Variants in ZNF230 observed in about 807,000 individuals in gnomAD.
ZNF230 encodes zinc finger protein 230.
In ZNF230, 12 loss-of-function variants were observed where a neutral mutation model predicts 10.0. That is an observed-to-expected ratio of 1.20 (90% confidence interval 0.77 to 1.95). The LOEUF is 1.95. Ranked by LOEUF, ZNF230 falls within the 30% of genes most tolerant of loss-of-function variation. The pLI is 0.00. For missense variants in ZNF230, 532 were observed against 565.8 expected, an observed-to-expected ratio of 0.94 and a Z score of 0.61; for synonymous variants, 174 against 193.6, an observed-to-expected ratio of 0.90 and a Z score of 0.84.
Position 44,007,055 on chromosome 19 carries a change from A to T in ZNF230, c.-24A>T. 3.8e-6 allele frequency: 6 copies of T among 1,599,208 alleles called. No individual in the cohort carries two copies. The highest frequency in any genetic ancestry group is 5.1e-6 in the Non-Finnish European group (6 of 1,167,134). On this transcript the variant is annotated 5_prime_UTR_variant, in exon 2 of 5. In the 5' UTR this introduces an upstream ATG that the reference lacks. Transcript: ENST00000429154. Reference sequence around the variant, plus strand: ...TGTGCTCCATTACTCAAGACACTGAAGACTCCAAAAAGTAGTAGGAAAAAT... The same window carrying T: ...TGTGCTCCATTACTCAAGACACTGATGACTCCAAAAAGTAGTAGGAAAAAT...
intron 4 of ZNF230, chr19:44,009,401 G>A (rs770165421): frequency 1.7e-6 from 1 of 577,988 alleles, no homozygotes; most frequent in Non-Finnish European, 3.1e-6. Context: ...TCCACTCCTT[G>A]GTCCAAAAGC....
At chr19:44,007,437 A>G (rs454904) in intron 2 of ZNF230, among the ~76,000 whole-genome samples, 19,992 of 152,086 alleles carry the variant, frequency 0.13, 1,940 homozygotes, top group East Asian at 0.46. Flanking sequence ...TCCTTATGTC[A>G]AGAGTGCTCT....
chr19:44,009,045 A>G, intron 3 of ZNF230, 39 bp from the exon 4 acceptor site: 1 of 1,610,526 alleles, frequency 6.2e-7, no homozygotes, highest in Non-Finnish European at 8.5e-7. Context: ...ATTACCTAGA[A>G]TGAATTGGTA....
intron 1 of ZNF230, among the ~76,000 whole-genome samples, chr19:44,005,830 A>G (rs990413190): frequency 6.6e-5 from 10 of 152,322 alleles, no homozygotes; most frequent in Admixed American, 6.5e-4. Flanking sequence ...CGGAGGTTGC[A>G]GTGAGCTGAG....
chr19:44,011,268 A>G lies in ZNF230; in HGVS notation c.1229A>G (p.His410Arg), dbSNP rs375702902. 1.2e-5 allele frequency: 20 copies of G among 1,614,068 alleles called. No homozygotes were observed. The highest frequency in any genetic ancestry group is 1.7e-5 in the Non-Finnish European group (20 of 1,180,038). ...AGCCGGGCTTCAAGTATTTTGAATC[A>G]TAAGAAACTCCACTGCCGGAAAAAA... Reference protein sequence around the residue: ...SFSRASSILNHKKLHCRKKPF... With the variant: ...SFSRASSILNRKKLHCRKKPF... Residue 410 changes from histidine (H) to arginine (R), a missense_variant, in exon 5 of 5, where the codon CAT becomes CGT. By Grantham distance (29) the His-to-Arg change is conservative. Coordinates refer to ENST00000429154, the MANE Select transcript of ZNF230 (RefSeq NM_006300.4).
In ZNF230 at chr19:44,010,926, A is replaced by C; in HGVS notation, c.887A>C (p.Asn296Thr). 6.2e-7 allele frequency: 1 copy of C among 1,614,236 alleles called. No homozygotes were observed. Among genetic ancestry groups the C allele is most frequent in the South Asian group, 1.1e-5 (1 of 91,088 alleles). Residue 296 changes from asparagine (N) to threonine (T), a missense_variant, in exon 5 of 5, where the codon AAT becomes ACT. Physicochemically the swap from Asn to Thr is moderately conservative, Grantham distance 65. Coordinates refer to ENST00000429154, the MANE Select transcript of ZNF230 (RefSeq NM_006300.4). ...GKSFCLRSSL[N>T]RHCMVHTAEK... ...AGCTTCTGCCTTAGGTCAAGTCTTA[A>C]TAGGCATTGCATGGTCCACACAGCA...
chr19:44,004,317 GTCTT>G (rs1404631045), intron 1 of ZNF230: 1 of 152,126 alleles, frequency 6.6e-6, no homozygotes, highest in Non-Finnish European at 1.5e-5. Context: ...GATTTCTTTT[GTCTT>G]TCTTTGTGTC....
In ZNF230 at chr19:44,009,158, GA is replaced by G. The variant is rs1568497528; in HGVS notation, c.219del (p.Gly74GlufsTer30). 6.2e-7 allele frequency: 1 copy of G among 1,614,194 alleles called. No individual in the cohort carries two copies. The highest frequency in any genetic ancestry group is 1.1e-5 in the South Asian group (1 of 91,084). ...FWMMETATQR[E>X]GNSGGKTIAE... ...GATGATGGAGACAGCAACCCAAAGA[GA>G]AGGAAATTCAGGTAAGAAGCAAGCA... On this transcript the variant is annotated frameshift_variant, in exon 4 of 5. Transcript: ENST00000429154. LOFTEE classifies it low-confidence loss of function (END_TRUNC).
At position 44,010,455 on chromosome 19, in the gene ZNF230, C is replaced by A. The variant is rs1238328942; in HGVS notation, c.416C>A (p.Pro139His). The A allele has an allele frequency of 1.9e-6, 3 of 1,614,112 alleles. No individual in the cohort carries two copies. Among genetic ancestry groups the A allele is most frequent in the Non-Finnish European group, 8.5e-7 (1 of 1,180,048 alleles). The change falls in exon 5 of 5, where the codon CCT becomes CAT. Residue 139 changes from proline (P) to histidine (H), a missense_variant. Physicochemically the swap from Pro to His is moderately conservative, Grantham distance 77 (BLOSUM62 -2). Transcript: ENST00000429154. ...GLSIIHTGQK[P>H]SQNGKCKQSF... Reference sequence around the variant, plus strand: ...TCTATAATTCATACAGGACAGAAACCTTCACAGAATGGGAAGTGTAAACAG... The same window carrying A: ...TCTATAATTCATACAGGACAGAAACATTCACAGAATGGGAAGTGTAAACAG...
chr19:44,010,796 AT>A lies in ZNF230; in HGVS notation c.760del (p.Cys254ValfsTer19), dbSNP rs778038304. On this transcript the variant is annotated frameshift_variant, in exon 5 of 5. Transcript: ENST00000429154. LOFTEE classifies it low-confidence loss of function (END_TRUNC). Reference protein sequence around the residue: ...CKLHTGEKPYICEKCGRAFIH... With the variant: ...CKLHTGEKPYXCEKCGRAFIH... ...ATTACACACAGGAGAGAAACCTTAT[AT>A]TTGTGAGAAATGTGGGAGGGCCTTC... 81 of 1,614,104 alleles carry A rather than the reference AT, an allele frequency of 5.0e-5. No homozygotes were observed. Among genetic ancestry groups the A allele is most frequent in the Non-Finnish European group, 6.4e-5 (76 of 1,180,032 alleles).
chr19:44,009,444 AC>A, intron 4 of ZNF230: 1 of 519,248 alleles, frequency 1.9e-6, no homozygotes, highest in Non-Finnish European at 3.4e-6. Context: ...TAAAGTTACA[AC>A]CTCTTTATTG....
chr19:44,009,913 T>C (rs974836510), intron 4 of ZNF230, among the ~76,000 whole-genome samples: 1 of 152,276 alleles, frequency 6.6e-6, no homozygotes, highest in Non-Finnish European at 1.5e-5. Context: ...GATTTTGTTA[T>C]TGTTTTTCCT....
chr19:44,013,210 ACAACT>A lies in ZNF230; in HGVS notation c.*1749_*1753del, dbSNP rs1243866339. ...ATTGTGGTAGCATTTATTTTATCAA[ACAACT>A]CAGGTAGAAGCTATGCCAATTTGAC... On this transcript the variant is annotated 3_prime_UTR_variant, in exon 5 of 5. Transcript: ENST00000429154. The A allele has an allele frequency of 1.3e-5, 2 of 152,204 alleles. No homozygotes were observed. The highest frequency in any genetic ancestry group is 2.9e-5 in the Non-Finnish European group (2 of 68,030). 9.4% of individuals were successfully genotyped at this position (152,204 alleles called of 1,614,324 possible). A position where few individuals can be genotyped will look rare whatever the true frequency, so the allele number is the denominator to read the frequency against.
chr19:44,011,264 A>C lies in ZNF230; in HGVS notation c.1225A>C (p.Asn409His). The C allele has an allele frequency of 6.2e-7, 1 of 1,614,130 alleles. No homozygotes were observed. Among genetic ancestry groups the C allele is most frequent in the Non-Finnish European group, 8.5e-7 (1 of 1,180,020 alleles). Residue 409 changes from asparagine to histidine, a missense_variant, in exon 5 of 5, where the codon AAT becomes CAT. Transcript: ENST00000429154. ...CTTTAGCCGGGCTTCAAGTATTTTG[A>C]ATCATAAGAAACTCCACTGCCGGAA... ...KSFSRASSIL[N>H]HKKLHCRKKP...
Position 44,010,271 on chromosome 19 carries a change from G to A in ZNF230, c.232G>A (p.Gly78Ser), listed in dbSNP as rs139136932. The A allele has an allele frequency of 3.4e-5, 55 of 1,600,758 alleles. No individual in the cohort carries two copies. Among genetic ancestry groups the A allele is most frequent in the East Asian group, 4.5e-5 (2 of 44,820 alleles). ...CTCTTCATTCTGTGTCCTTATAGGC[G>A]GCAAGACTATTGCGGAAGCAGGACC... ...TATQREGNSGGKTIAEAGPHE... is the reference protein window; with the variant it reads ...TATQREGNSGSKTIAEAGPHE... The change falls in exon 5 of 5, where the codon GGC (glycine) becomes AGC (serine). Residue 78 changes from glycine (G) to serine (S), a missense_variant and splice_region_variant. Coordinates refer to ENST00000429154, the MANE Select transcript of ZNF230 (RefSeq NM_006300.4).
At chr19:44,003,214 G>A (rs1224782993) in intron 1 of ZNF230, 107 bp downstream of exon 1, 1 of 152,358 alleles carries the variant, frequency 6.6e-6, no homozygotes, top group African/African-American at 2.4e-5. Context: ...GGTCCTCTGT[G>A]CCCTGCTGTG....
In ZNF230 at chr19:44,012,488, C is replaced by A; in HGVS notation, c.*1024C>A. 2 of 518,628 alleles carry A rather than the reference C, an allele frequency of 3.9e-6. No individual in the cohort carries two copies. 32.1% of individuals were successfully genotyped at this position (518,628 alleles called of 1,614,324 possible). ...CATTCTCCCATCATCCTAGGACCAT[C>A]GTAGTAGAGAACTCTTGTAAATTGT... On this transcript the variant is annotated 3_prime_UTR_variant, in exon 5 of 5. Transcript: ENST00000429154.
intron 4 of ZNF230, 111 bp from the exon 5 acceptor site, chr19:44,010,158 A>G: frequency 1.9e-6 from 2 of 1,041,116 alleles, no homozygotes; most frequent in Admixed American, 3.0e-5. Context: ...CATGGGGAAA[A>G]CATAAACTGA....
Position 44,012,067 on chromosome 19 carries a change from G to GC in ZNF230, c.*603_*604insC. On this transcript the variant is annotated 3_prime_UTR_variant, in exon 5 of 5. Coordinates refer to ENST00000429154, the MANE Select transcript of ZNF230 (RefSeq NM_006300.4). ...AGTGTAGATATCTGATCCACATACTGATTTCCTTTGCTTTGGATATACTCA... is the reference window on the plus strand; with the variant it reads ...AGTGTAGATATCTGATCCACATACTGCATTTCCTTTGCTTTGGATATACTCA... 1.0e-5 allele frequency: 2 copies of GC among 199,694 alleles called. No individual in the cohort carries two copies. The highest frequency in any genetic ancestry group is 2.0e-5 in the Non-Finnish European group (2 of 97,816). The allele number at this position is 199,694 out of a possible 1,614,324, so 12.4% of individuals were successfully genotyped here.
Sources: allele counts gnomAD v4.1 joint callset (sites outside exome capture counted in the v4.1 genomes callset), GRCh38; gene constraint gnomAD v4.1.1; transcripts MANE v1.5; gene names NCBI Gene and HGNC (gene_info 2026-07-23, HGNC 2026-07-21).